The following RHBDD1 variants were observed in gnomAD, a reference collection of about 807,000 sequenced individuals.
The protein encoded by RHBDD1 is rhomboid-related protein 4.
In RHBDD1, 38 loss-of-function variants were observed where a neutral mutation model predicts 36.3. The ratio of observed to expected loss-of-function variants is 1.05; its 90% CI spans 0.81 to 1.37. RHBDD1 has a LOEUF of 1.37. RHBDD1 is among the 40% of genes most tolerant of loss of function. The pLI, the probability that RHBDD1 is intolerant of heterozygous loss-of-function variation, is 0.00. For missense variants in RHBDD1, 393 were observed against 377.6 expected (o/e 1.04, Z -0.34); for synonymous variants, 151 against 136.5 (o/e 1.11, Z -0.74).
intron 4 of RHBDD1, among the ~76,000 whole-genome samples, chr2:226,866,545 T>G (rs1285944339): frequency 6.6e-6 from 1 of 152,172 alleles, no homozygotes; most frequent in Non-Finnish European, 1.5e-5. Context: ...GTCTACAGAT[T>G]AGCTGTGTGA....
At chr2:226,868,946 TGA>T (rs1559213896) in intron 5 of RHBDD1, among the ~76,000 whole-genome samples, 6 of 152,336 alleles carry the variant, frequency 3.9e-5, no homozygotes, top group African/African-American at 1.4e-4. Flanking sequence ...ACTGCTCCCC[TGA>T]CTTGCTTGAT....
chr2:226,896,295 C>T (rs1036149483), intron 5 of RHBDD1, among the ~76,000 whole-genome samples: 4 of 152,170 alleles, frequency 2.6e-5, no homozygotes, highest in Non-Finnish European at 5.9e-5. Flanking sequence ...TCTTCTGCAT[C>T]TCAGTAAATG....
intron 5 of RHBDD1, among the ~76,000 whole-genome samples, chr2:226,883,178 TATTAAC>T (rs1421861981): frequency 6.6e-6 from 1 of 152,264 alleles, no homozygotes; most frequent in Admixed American, 6.5e-5. Context: ...CATCTGCGTG[TATTAAC>T]ATTAACTCTC....
rs373175381 is a variant in RHBDD1, at chr2:226,908,803, T to G, written c.656-19T>G. The G allele has an allele frequency of 3.2e-6, 5 of 1,577,138 alleles. No individual in the cohort carries two copies. The African/African-American group carries it at 6.8e-5, about 21-fold the overall frequency. On this transcript the variant is annotated intron_variant, in intron 6 of 8. Coordinates refer to ENST00000392062, the MANE Select transcript of RHBDD1 (RefSeq NM_001167608.3). The stretch of plus-strand genomic sequence containing the variant: ...AGCTTTATGGCTGCCATTAAAATGT[T>G]TATTTCTTTTACGTTTAGGCGGTTT...
At chr2:226,822,880 T>C in the RHBDD1 span, among the ~76,000 whole-genome samples, 1 of 151,586 alleles carries the variant, frequency 6.6e-6, no homozygotes, top group South Asian at 2.1e-4. Context: ...AATTCCAGCA[T>C]TTTGGGAGGT....
intron 1 of RHBDD1, among the ~76,000 whole-genome samples, chr2:226,836,970 C>T (rs1426314302): frequency 6.6e-6 from 1 of 152,222 alleles, no homozygotes; most frequent in Non-Finnish European, 1.5e-5. Flanking sequence ...ATCAGCATCA[C>T]TTGGGAACTT....
chr2:226,926,809 A>G (rs1202841342), intron 8 of RHBDD1, among the ~76,000 whole-genome samples: 1 of 152,202 alleles, frequency 6.6e-6, no homozygotes, highest in African/African-American at 2.4e-5. Flanking sequence ...TTTCCTAAAA[A>G]TTACTTGAAA....
chr2:226,932,513 T>A (rs776461633), intron 8 of RHBDD1, among the ~76,000 whole-genome samples: 10 of 152,080 alleles, frequency 6.6e-5, no homozygotes, highest in Non-Finnish European at 4.4e-5. Flanking sequence ...CACCTTATTT[T>A]AAGGATGGGC....
chr2:226,908,632 T>TGTAGG, intron 6 of RHBDD1, 190 bp from the exon 7 acceptor site: 1 of 563,702 alleles, frequency 1.8e-6, no homozygotes, highest in South Asian at 2.2e-5. Context: ...TTCTTTTCCC[T>TGTAGG]GTAGGGACAC....
chr2:226,957,214 TACTGA>T (rs960744869), intron 8 of RHBDD1, among the ~76,000 whole-genome samples: 2 of 152,220 alleles, frequency 1.3e-5, no homozygotes, highest in Non-Finnish European at 2.9e-5. Context: ...GGCTTGCTAC[TACTGA>T]CAGTGGGTAA....
At chr2:226,972,771 C>G (rs1008851078) in intron 8 of RHBDD1, among the ~76,000 whole-genome samples, 1 of 152,144 alleles carries the variant, frequency 6.6e-6, no homozygotes, top group African/African-American at 2.4e-5. Flanking sequence ...CAAGCTCTTG[C>G]TGTTTAAGGG....
intron 8 of RHBDD1, among the ~76,000 whole-genome samples, chr2:226,943,504 G>A (rs1950791949): frequency 6.6e-6 from 1 of 152,098 alleles, no homozygotes; most frequent in African/African-American, 2.4e-5. Context: ...CTTGCTTCTG[G>A]CTAGCGTGAT....
chr2:226,828,661 A>C, the RHBDD1 span, among the ~76,000 whole-genome samples: 1 of 152,174 alleles, frequency 6.6e-6, no homozygotes, highest in Non-Finnish European at 1.5e-5. Flanking sequence ...CAAATGACTA[A>C]TGATGCTGAG....
chr2:226,805,714 C>T, the RHBDD1 span, among the ~76,000 whole-genome samples: 3 of 152,176 alleles, frequency 2.0e-5, no homozygotes, highest in African/African-American at 4.8e-5. Flanking sequence ...AATGTCTTCA[C>T]AGTAATCCCT....
chr2:226,979,931 G>T (rs1490549238), intron 8 of RHBDD1, among the ~76,000 whole-genome samples: 1 of 152,178 alleles, frequency 6.6e-6, no homozygotes, highest in African/African-American at 2.4e-5. Flanking sequence ...ACAAATTTGG[G>T]AATGTTCAGG....
chr2:226,965,372 C>G (rs1042329100), intron 8 of RHBDD1, among the ~76,000 whole-genome samples: 1 of 152,276 alleles, frequency 6.6e-6, no homozygotes, highest in African/African-American at 2.4e-5. Context: ...GAATAAAGTT[C>G]TGTTGTTTTA....
At chr2:226,950,132 T>C (rs1951319784) in intron 8 of RHBDD1, among the ~76,000 whole-genome samples, 1 of 152,214 alleles carries the variant, frequency 6.6e-6, no homozygotes, top group Non-Finnish European at 1.5e-5. Flanking sequence ...TAGTCACTGT[T>C]GTACAGTCAC....
At chr2:226,810,510 C>T in the RHBDD1 span, among the ~76,000 whole-genome samples, 21,579 of 128,924 alleles carry the variant, frequency 0.17, 2,550 homozygotes, top group African/African-American at 0.37. Flanking sequence ...CACTTCACTC[C>T]AGCCTGAGCA....
chr2:226,919,526 A>T (rs1949158140), intron 8 of RHBDD1, among the ~76,000 whole-genome samples: 1 of 152,108 alleles, frequency 6.6e-6, no homozygotes, highest in Admixed American at 6.6e-5. Context: ...GTCTAGTTTC[A>T]TTCTTCTGCA....
Sources: gnomAD v4.1 joint callset for allele counts (sites outside exome capture counted in the v4.1 genomes callset) on GRCh38, gnomAD v4.1.1 for gene constraint, MANE v1.5 for transcripts, NCBI Gene and HGNC (gene_info 2026-07-23, HGNC 2026-07-21) for gene names.